The following MAP6D1 variants were observed in gnomAD, a reference collection of about 807,000 sequenced individuals.
MAP6D1 encodes the protein MAP6 domain containing 1, also known as MAP6 domain-containing protein 1.
Under a neutral mutation model 17.4 loss-of-function variants are expected in MAP6D1, and 13 were observed. The ratio of observed to expected loss-of-function variants is 0.75; its 90% CI spans 0.49 to 1.19. The LOEUF is 1.19. Ranked by LOEUF, MAP6D1 falls within the 50% of genes most tolerant of loss-of-function variation. The probability of loss-of-function intolerance (pLI) is 0.00; values close to 1 mark genes in which losing one functional copy is unlikely to be tolerated. For missense variants in MAP6D1, 313 were observed against 312.6 expected, an observed-to-expected ratio of 1.00 and a Z score of -0.01; for synonymous variants, 141 against 145.7, an observed-to-expected ratio of 0.97 and a Z score of 0.23.
At chr3:183,820,958 G>A (rs924785125) in intron 1 of MAP6D1, among the ~76,000 whole-genome samples, 1 of 151,440 alleles carries the variant, frequency 6.6e-6, no homozygotes, top group African/African-American at 2.4e-5. Flanking sequence ...AGCTGGGTGT[G>A]GTGGTGGGCG....
chr3:183,821,865 T>C (rs1727266592), intron 1 of MAP6D1, among the ~76,000 whole-genome samples: 1 of 152,106 alleles, frequency 6.6e-6, no homozygotes, highest in Non-Finnish European at 1.5e-5. Flanking sequence ...GGTTTCACCA[T>C]GTTGGCCAGG....
At chr3:183,820,165 G>A (rs1276672814) in intron 1 of MAP6D1, 1 of 152,262 alleles carries the variant, frequency 6.6e-6, no homozygotes, top group African/African-American at 2.4e-5. Context: ...GGGGATCCTG[G>A]GTACTCCCTC....
At chr3:183,822,570 A>G (rs1276221351) in intron 1 of MAP6D1, among the ~76,000 whole-genome samples, 2 of 152,226 alleles carry the variant, frequency 1.3e-5, no homozygotes, top group Non-Finnish European at 2.9e-5. Flanking sequence ...GGGTACCACC[A>G]CCATTATCAA....
Position 183,816,004 on chromosome 3 carries a change from T to C in MAP6D1, c.*1352A>G, listed in dbSNP as rs981614187. On this transcript the variant is annotated 3_prime_UTR_variant, in exon 3 of 3. Coordinates refer to ENST00000318631, the MANE Select transcript of MAP6D1 (RefSeq NM_024871.4). ...ACCCAGCAGGCAGCCTCTTTTCTCT[T>C]AGAAAAATCAAACATGCAAGCCGTG... is the stretch of plus-strand genomic sequence containing the variant. The C allele has an allele frequency of 3.9e-5, 6 of 152,222 alleles. No individual in the cohort carries two copies. The highest frequency in any genetic ancestry group is 1.2e-4 in the African/African-American group (5 of 41,450). The allele number at this position is 152,222 out of a possible 1,614,324, so 9.4% of individuals were successfully genotyped here. A position where few individuals can be genotyped will look rare whatever the true frequency, so the allele number is the denominator to read the frequency against.
chr3:183,817,128 A>G lies in MAP6D1; in HGVS notation c.*228T>C. On this transcript the variant is annotated 3_prime_UTR_variant, in exon 3 of 3. Transcript: ENST00000318631. Reference sequence around the variant, plus strand: ...CCAGATGGCAGTTAACGAACGCAGGAGCCTTCCACAGGCTTCTCAAGAGGA... The same window carrying G: ...CCAGATGGCAGTTAACGAACGCAGGGGCCTTCCACAGGCTTCTCAAGAGGA... 3.7e-6 allele frequency: 2 copies of G among 533,430 alleles called. No individual in the cohort carries two copies. The highest frequency in any genetic ancestry group is 2.1e-5 in the South Asian group (1 of 47,864). 33.0% of individuals were successfully genotyped at this position (533,430 alleles called of 1,614,324 possible).
Position 183,817,103 on chromosome 3 carries a change from C to T in MAP6D1, c.*253G>A. The T allele has an allele frequency of 2.1e-6, 1 of 486,804 alleles. No homozygotes were observed. The highest frequency in any genetic ancestry group is 2.2e-5 in the South Asian group (1 of 46,220). 30.2% of individuals were successfully genotyped at this position (486,804 alleles called of 1,614,324 possible). ...CAGAGATTTCAAAACTGAGAGACGG[C>T]CAGATGGCAGTTAACGAACGCAGGA... On this transcript the variant is annotated 3_prime_UTR_variant, in exon 3 of 3. Transcript: ENST00000318631.
At chr3:183,821,108 GAAAAAA>G (rs1453496367) in intron 1 of MAP6D1, among the ~76,000 whole-genome samples, 1 of 142,898 alleles carries the variant, frequency 7.0e-6, no homozygotes, top group East Asian at 2.9e-4. Flanking sequence ...AAAAAAAAAA[GAAAAAA>G]AGAGAGGCTG....
At chr3:183,818,737 C>T (rs1256732934) in intron 1 of MAP6D1, among the ~76,000 whole-genome samples, 1 of 152,224 alleles carries the variant, frequency 6.6e-6, no homozygotes. Flanking sequence ...GAATGGATCG[C>T]AGTGACCATC....
chr3:183,818,623 C>T (rs890779857), intron 1 of MAP6D1, among the ~76,000 whole-genome samples: 1 of 152,250 alleles, frequency 6.6e-6, no homozygotes, highest in East Asian at 1.9e-4. Context: ...ATGCCCTCAG[C>T]ACCGGGCACA....
intron 1 of MAP6D1, 85 bp downstream of exon 1, chr3:183,825,062 C>G: frequency 8.0e-7 from 1 of 1,256,730 alleles, no homozygotes; most frequent in Non-Finnish European, 1.0e-6. Flanking sequence ...TCCGCTCTGC[C>G]GCCCACCCCA....
At chr3:183,818,524 C>G (rs1442908426) in intron 1 of MAP6D1, among the ~76,000 whole-genome samples, 1 of 152,166 alleles carries the variant, frequency 6.6e-6, no homozygotes. Flanking sequence ...TATACCTGCA[C>G]CCCCTGCGAT....
intron 2 of MAP6D1, among the ~76,000 whole-genome samples, chr3:183,817,645 C>T (rs1727149053): frequency 6.6e-6 from 1 of 152,122 alleles, no homozygotes; most frequent in African/African-American, 2.4e-5. Context: ...CATTCTGCTC[C>T]CTGAACCACT....
At chr3:183,820,885 C>T (rs1350551096) in intron 1 of MAP6D1, among the ~76,000 whole-genome samples, 2 of 140,300 alleles carry the variant, frequency 1.4e-5, no homozygotes, top group South Asian at 2.3e-4. Context: ...CCAGCTTGGG[C>T]AACAAAGCAA....
At chr3:183,820,834 G>A (rs1325901797) in intron 1 of MAP6D1, among the ~76,000 whole-genome samples, 2 of 152,130 alleles carry the variant, frequency 1.3e-5, no homozygotes, top group Non-Finnish European at 2.9e-5. Flanking sequence ...GTGAACCCGG[G>A]AGGCGGAGGT....
intron 1 of MAP6D1, among the ~76,000 whole-genome samples, chr3:183,818,734 T>C (rs1001829983): frequency 6.6e-6 from 1 of 152,208 alleles, no homozygotes; most frequent in African/African-American, 2.4e-5. Context: ...GAAGAATGGA[T>C]CGCAGTGACC....
intron 1 of MAP6D1, chr3:183,820,532 A>AG (rs1485597865): frequency 2.0e-5 from 3 of 152,240 alleles, no homozygotes; most frequent in Non-Finnish European, 2.9e-5. Flanking sequence ...TTGGGAGGGC[A>AG]AGGCGGGCAG....
At chr3:183,817,485 C>T (rs1326283031) in intron 2 of MAP6D1, 49 bp from the exon 3 acceptor site, 4 of 1,480,220 alleles carry the variant, frequency 2.7e-6, no homozygotes, top group African/African-American at 1.4e-5. Flanking sequence ...TCCTTAACTC[C>T]CTACTCTTCC....
Position 183,825,165 on chromosome 3 carries a change from G to C in MAP6D1, c.383C>G (p.Ala128Gly). 6.9e-7 allele frequency: 1 copy of C among 1,458,084 alleles called. No individual in the cohort carries two copies. 90.3% of individuals were successfully genotyped at this position (1,458,084 alleles called of 1,614,324 possible). A position where few individuals can be genotyped will look rare whatever the true frequency, so the allele number is the denominator to read the frequency against. Residue 128 changes from alanine (A) to glycine (G), a missense_variant, in exon 1 of 3, where the codon GCA (alanine) becomes GGA (glycine). Physicochemically the swap from Ala to Gly is moderately conservative, Grantham distance 60. Transcript: ENST00000318631. ...LPIGDADAAA[A>G]VTTSYRQEFQ... ...CCCATACCTGTACGACGTGGTCACT[G>C]CTGCAGCCGCGTCCGCGTCGCCGAT... is the stretch of plus-strand genomic sequence containing the variant.
In MAP6D1 at chr3:183,819,960, C is replaced by T. The variant is rs188425915; in HGVS notation, c.402-1849G>A. 1.5e-4 allele frequency among the ~76,000 whole-genome samples: 23 copies of T among 152,272 alleles called. No individual in the cohort carries two copies. In the East Asian group the frequency reaches 2.3e-3, roughly 15 times the overall value. On this transcript the variant is annotated intron_variant, in intron 1 of 2. Transcript: ENST00000318631. ...GCAAGGACTGCCTTCCAGAAGTGGG[C>T]GGGGCTAGCAACTGGGCCAAAGATG...
Sources: allele counts gnomAD v4.1 joint callset (sites outside exome capture counted in the v4.1 genomes callset), GRCh38; gene constraint gnomAD v4.1.1; transcripts MANE v1.5; gene names NCBI Gene and HGNC (gene_info 2026-07-23, HGNC 2026-07-21).